PTPRG: variants seen among roughly 807,000 people sequenced by gnomAD.
PTPRG encodes the protein receptor-type tyrosine-protein phosphatase gamma.
Under a neutral mutation model 165.3 loss-of-function variants are expected in PTPRG, and 102 were observed. That is an observed-to-expected ratio of 0.62 (90% CI 0.53 to 0.73). PTPRG has a LOEUF of 0.73. Ranked by LOEUF, PTPRG falls within the 30% of genes least tolerant of loss-of-function variation. The pLI is 0.00. For synonymous variants in PTPRG, 675 were observed against 669.5 expected (o/e 1.01, Z -0.13); for missense variants, 1,866 against 1,861.4 (o/e 1.00, Z -0.05).
chr3:61,667,244 T>C (rs1702834818), intron 1 of PTPRG, among the ~76,000 whole-genome samples: 1 of 152,182 alleles, frequency 6.6e-6, no homozygotes, highest in Non-Finnish European at 1.5e-5. Flanking sequence ...TTGGATTGCA[T>C]AGCTTATGGA....
chr3:61,889,563 A>C (rs1034542972), intron 2 of PTPRG, among the ~76,000 whole-genome samples: 5 of 152,176 alleles, frequency 3.3e-5, no homozygotes, highest in African/African-American at 1.2e-4. Context: ...CTCCGTTAGT[A>C]TTTTTATGTT....
intron 5 of PTPRG, among the ~76,000 whole-genome samples, chr3:62,089,236 C>G (rs1701851279): frequency 6.6e-6 from 1 of 152,220 alleles, no homozygotes; most frequent in Non-Finnish European, 1.5e-5. Flanking sequence ...TATTTTAAGA[C>G]AGACCAGTCT....
intron 13 of PTPRG, among the ~76,000 whole-genome samples, chr3:62,221,884 T>C (rs1700659211): frequency 6.6e-6 from 1 of 152,222 alleles, no homozygotes; most frequent in South Asian, 2.1e-4. Flanking sequence ...CTGAATTCTG[T>C]CTCTTCCAAG....
At chr3:62,194,320 G>A (rs1383730266) in intron 9 of PTPRG, among the ~76,000 whole-genome samples, 1 of 152,194 alleles carries the variant, frequency 6.6e-6, no homozygotes. Flanking sequence ...CCTATGTTAT[G>A]TAATTCTCAC....
intron 2 of PTPRG, among the ~76,000 whole-genome samples, chr3:61,807,206 G>A (rs1575679455): frequency 7.2e-6 from 1 of 139,198 alleles, no homozygotes; most frequent in Non-Finnish European, 1.6e-5. Flanking sequence ...CCATTGGTCA[G>A]GGGAAAAATG....
chr3:62,176,496 G>A (rs1705429388), intron 8 of PTPRG, among the ~76,000 whole-genome samples: 1 of 152,094 alleles, frequency 6.6e-6, no homozygotes, highest in Admixed American at 6.5e-5. Context: ...GATGTCATCG[G>A]GTGACTTGAA....
chr3:61,998,807 C>T (rs1376026658), intron 3 of PTPRG, among the ~76,000 whole-genome samples: 5 of 152,236 alleles, frequency 3.3e-5, no homozygotes, highest in African/African-American at 9.6e-5. Context: ...AAACTTCATT[C>T]ACCACATAGA....
chr3:61,962,086 T>G (rs557825268), intron 2 of PTPRG, among the ~76,000 whole-genome samples: 7 of 152,266 alleles, frequency 4.6e-5, no homozygotes, highest in Non-Finnish European at 1.0e-4. Flanking sequence ...TACGTTGATT[T>G]CTCTTCTGCG....
intron 20 of PTPRG, among the ~76,000 whole-genome samples, chr3:62,269,792 C>T (rs947658192): frequency 4.6e-5 from 7 of 152,090 alleles, no homozygotes; most frequent in Non-Finnish European, 1.0e-4. Flanking sequence ...TATCCTAGAT[C>T]AATCATCACA....
At chr3:61,856,772 G>A (rs2037118275) in intron 2 of PTPRG, among the ~76,000 whole-genome samples, 1 of 152,130 alleles carries the variant, frequency 6.6e-6, no homozygotes, top group East Asian at 1.9e-4. Flanking sequence ...TCATTATGCT[G>A]CTCTTGGAGG....
At chr3:61,592,210 G>A (rs1184628748) in intron 1 of PTPRG, among the ~76,000 whole-genome samples, 2 of 151,804 alleles carry the variant, frequency 1.3e-5, no homozygotes, top group African/African-American at 2.4e-5. Context: ...CAGGTGATCC[G>A]CCTGCCTCAG....
intron 26 of PTPRG, among the ~76,000 whole-genome samples, chr3:62,278,079 C>T (rs554207729): frequency 1.4e-4 from 22 of 152,128 alleles, no homozygotes; most frequent in Admixed American, 5.2e-4. Context: ...TTGTTTAATT[C>T]TCAACAATTT....
chr3:61,679,928 C>A (rs1236287781), intron 1 of PTPRG, among the ~76,000 whole-genome samples: 1 of 152,202 alleles, frequency 6.6e-6, no homozygotes, highest in Non-Finnish European at 1.5e-5. Flanking sequence ...ACCTTACTCT[C>A]TTCGGCTTGT....
At chr3:61,891,492 T>C (rs1018524177) in intron 2 of PTPRG, among the ~76,000 whole-genome samples, 3 of 152,210 alleles carry the variant, frequency 2.0e-5, no homozygotes, top group Non-Finnish European at 4.4e-5. Flanking sequence ...AACACATCTC[T>C]ACAGATTTAA....
intron 2 of PTPRG, among the ~76,000 whole-genome samples, chr3:61,882,873 A>T (rs926338254): frequency 1.3e-5 from 2 of 152,188 alleles, no homozygotes; most frequent in Non-Finnish European, 2.9e-5. Context: ...AATCTCCTTC[A>T]GTATTCAGCC....
In PTPRG at chr3:61,748,934, C is replaced by G; in HGVS notation, c.142C>G (p.Gln48Glu). The G allele has an allele frequency of 6.2e-7, 1 of 1,612,380 alleles. No individual in the cohort carries two copies. The highest frequency in any genetic ancestry group is 8.5e-7 in the Non-Finnish European group (1 of 1,179,312). The change falls in exon 2 of 30, where the codon CAG becomes GAG. Residue 48 changes from glutamine (Q) to glutamate (E), a missense_variant. Gln to Glu is a conservative substitution (Grantham distance 29). This residue lies in a region of PTPRG where 408 missense variants were observed against 376.2 expected (regional missense o/e 1.08). Coordinates refer to ENST00000474889, the MANE Select transcript of PTPRG (RefSeq NM_002841.4). ...LHENRHGSAV[Q>E]IRRRKASGDP... is the part of the protein sequence containing the mutation. ...CGAGAATAGACACGGCAGCGCAGTG[C>G]AGATCCGCAGGCGCAAGGCTTCAGG...
At chr3:62,142,174 G>A (rs1044691362) in intron 6 of PTPRG, among the ~76,000 whole-genome samples, 3 of 151,450 alleles carry the variant, frequency 2.0e-5, no homozygotes, top group African/African-American at 7.3e-5. Flanking sequence ...GTCTTTTTAC[G>A]TCTTAGCAAG....
chr3:62,096,426 C>T (rs1702110300), intron 5 of PTPRG, among the ~76,000 whole-genome samples: 1 of 152,098 alleles, frequency 6.6e-6, no homozygotes, highest in African/African-American at 2.4e-5. Flanking sequence ...TTTCTCCTGT[C>T]GTCTTTATTT....
chr3:62,116,473 A>G (rs1174364816), intron 5 of PTPRG, among the ~76,000 whole-genome samples: 4 of 152,230 alleles, frequency 2.6e-5, no homozygotes, highest in Non-Finnish European at 4.4e-5. Context: ...ATTTTCACAT[A>G]ATGGTATTCT....
Sources: allele counts gnomAD v4.1 joint callset (sites outside exome capture counted in the v4.1 genomes callset), GRCh38; gene constraint gnomAD v4.1.1; regional missense constraint gnomAD v4.1.1; transcripts MANE v1.5; gene names NCBI Gene and HGNC (gene_info 2026-07-23, HGNC 2026-07-21).